SPMIP4: variants seen among roughly 807,000 people sequenced by gnomAD.
The protein encoded by SPMIP4 is sperm microtubule inner protein 4.
the SPMIP4 span, among the ~76,000 whole-genome samples, chr7:25,131,117 T>G: frequency 1.3e-5 from 2 of 152,204 alleles, no homozygotes; most frequent in African/African-American, 2.4e-5. The surrounding 1 kb of genome is among the most constrained non-coding windows in gnomAD (Gnocchi z 4.2). Flanking sequence ...ATGGTGGCAT[T>G]AGATTCTCAT....
the SPMIP4 span, chr7:25,136,356 G>A: frequency 6.2e-7 from 1 of 1,614,202 alleles, no homozygotes; most frequent in Non-Finnish European, 8.5e-7. The surrounding 1 kb of genome is among the most constrained non-coding windows in gnomAD (Gnocchi z 5.7). Context: ...GATTTTCATA[G>A]TGAATCCAGT....
At chr7:25,151,855 A>AT in the SPMIP4 span, among the ~76,000 whole-genome samples, 8 of 152,082 alleles carry the variant, frequency 5.3e-5, no homozygotes, top group Admixed American at 4.6e-4. Flanking sequence ...TTTATTTTTT[A>AT]TTTTTTTTAA....
chr7:25,131,226 C>T, the SPMIP4 span, among the ~76,000 whole-genome samples: 1 of 152,234 alleles, frequency 6.6e-6, no homozygotes, highest in African/African-American at 2.4e-5. This position sits in a 1 kb window ranked among gnomAD's most constrained non-coding sequence, Gnocchi z 4.2. Flanking sequence ...TATCTCCCAT[C>T]ACCCCCACAT....
At chr7:25,146,054 T>C in the SPMIP4 span, among the ~76,000 whole-genome samples, 2 of 152,248 alleles carry the variant, frequency 1.3e-5, no homozygotes, top group African/African-American at 4.8e-5. Context: ...ATACTGGTTC[T>C]TTATTAGATA....
chr7:25,142,101 C>G, the SPMIP4 span: 1 of 612,966 alleles, frequency 1.6e-6, no homozygotes, highest in East Asian at 2.8e-5. Flanking sequence ...TTCAAATCAG[C>G]TCAGAATTCA....
chr7:25,147,504 C>A, the SPMIP4 span, among the ~76,000 whole-genome samples: 1 of 151,956 alleles, frequency 6.6e-6, no homozygotes, highest in Non-Finnish European at 1.5e-5. Context: ...AAAGCTAGGG[C>A]AGCTCTGGGG....
At chr7:25,166,233 CTT>C in the SPMIP4 span, among the ~76,000 whole-genome samples, 1 of 131,204 alleles carries the variant, frequency 7.6e-6, no homozygotes, top group Non-Finnish European at 1.6e-5. Flanking sequence ...TTTCCGTCTT[CTT>C]TTTTTTTTTG....
chr7:25,171,931 G>T, the SPMIP4 span, among the ~76,000 whole-genome samples: 2 of 152,176 alleles, frequency 1.3e-5, no homozygotes, highest in Non-Finnish European at 2.9e-5. Context: ...TGGTATTATG[G>T]TATATACCTA....
At chr7:25,134,057 C>T in the SPMIP4 span, among the ~76,000 whole-genome samples, 14 of 151,924 alleles carry the variant, frequency 9.2e-5, no homozygotes, top group African/African-American at 3.4e-4. Context: ...GTCAGGAGTT[C>T]GAGACCAGCC....
the SPMIP4 span, among the ~76,000 whole-genome samples, chr7:25,175,783 C>T: frequency 6.6e-6 from 1 of 152,174 alleles, no homozygotes; most frequent in African/African-American, 2.4e-5. Context: ...ACGGACCCTG[C>T]ACTTGGTCTG....
chr7:25,136,472 C>T, the SPMIP4 span: 2 of 1,614,136 alleles, frequency 1.2e-6, no homozygotes, highest in Non-Finnish European at 1.7e-6. The surrounding 1 kb of genome is among the most constrained non-coding windows in gnomAD (Gnocchi z 5.7). Flanking sequence ...GGCTTTATGT[C>T]ATAAATGCTA....
At chr7:25,143,675 T>G in the SPMIP4 span, among the ~76,000 whole-genome samples, 1 of 139,570 alleles carries the variant, frequency 7.2e-6, no homozygotes, top group Non-Finnish European at 1.5e-5. Context: ...CACTGAAACC[T>G]CCAACCCTTG....
At chr7:25,129,675 G>A in the SPMIP4 span, among the ~76,000 whole-genome samples, 1 of 151,912 alleles carries the variant, frequency 6.6e-6, no homozygotes, top group Non-Finnish European at 1.5e-5. Context: ...TCCTATGTCG[G>A]GGGCAATTCC....
At chr7:25,135,285 G>A in the SPMIP4 span, 1 of 970,484 alleles carries the variant, frequency 1.0e-6, no homozygotes, top group Non-Finnish European at 1.2e-6. Context: ...AATTTTATCT[G>A]CATAAAAGAA....
At chr7:25,146,004 G>T in the SPMIP4 span, among the ~76,000 whole-genome samples, 1 of 152,136 alleles carries the variant, frequency 6.6e-6, no homozygotes, top group African/African-American at 2.4e-5. Flanking sequence ...GTTTACTGTG[G>T]AGACCACATT....
At chr7:25,177,614 AGG>A in the SPMIP4 span, among the ~76,000 whole-genome samples, 1 of 152,238 alleles carries the variant, frequency 6.6e-6, no homozygotes, top group Non-Finnish European at 1.5e-5. Context: ...AATACAATAC[AGG>A]AAATGCTGAC....
the SPMIP4 span, among the ~76,000 whole-genome samples, chr7:25,146,042 G>C: frequency 6.6e-6 from 1 of 152,186 alleles, no homozygotes; most frequent in Non-Finnish European, 1.5e-5. Flanking sequence ...TAGCATTTGG[G>C]AATACTGGTT....
chr7:25,133,102 G>C, the SPMIP4 span, among the ~76,000 whole-genome samples: 5 of 152,228 alleles, frequency 3.3e-5, no homozygotes, highest in Non-Finnish European at 7.3e-5. Context: ...TCTGTGAGCA[G>C]TATATTATTG....
At chr7:25,174,231 TCC>T in the SPMIP4 span, among the ~76,000 whole-genome samples, 1 of 151,554 alleles carries the variant, frequency 6.6e-6, no homozygotes, top group African/African-American at 2.4e-5. The surrounding 1 kb of genome is among the most constrained non-coding windows in gnomAD (Gnocchi z 4.5). Context: ...CCTCTTTTCC[TCC>T]CCCTCTCTCT....
Sources: allele counts gnomAD v4.1 joint callset (sites outside exome capture counted in the v4.1 genomes callset), GRCh38; gene constraint gnomAD v4.1.1; non-coding constraint Gnocchi (gnomAD v3.1); transcripts MANE v1.5; gene names NCBI Gene and HGNC (gene_info 2026-07-23, HGNC 2026-07-21).